The following ARFGEF3 variants were observed in gnomAD, a reference collection of about 807,000 sequenced individuals.
ARFGEF3 encodes ARFGEF family member 3.
In ARFGEF3, 96 loss-of-function variants were observed where a neutral mutation model predicts 221.7. The ratio of observed to expected loss-of-function variants is 0.43; its 90% CI spans 0.37 to 0.51. The LOEUF is 0.51. Among genes scored for constraint, ARFGEF3 ranks in the 20% least tolerant of loss-of-function variants. The pLI is 0.00. For missense variants in ARFGEF3, 2,410 were observed against 2,789.9 expected, an observed-to-expected ratio of 0.86 and a Z score of 3.07; for synonymous variants, 1,145 against 1,126.8, an observed-to-expected ratio of 1.02 and a Z score of -0.32.
At chr6:138,283,003 A>T (rs948719663) in intron 14 of ARFGEF3, among the ~76,000 whole-genome samples, 1 of 152,152 alleles carries the variant, frequency 6.6e-6, no homozygotes, top group Non-Finnish European at 1.5e-5. Context: ...GTGAGCTGAG[A>T]TCGCGTCACT....
rs1018189324 is a variant in ARFGEF3 at position 138,255,657 on chromosome 6, G to A, written c.992G>A (p.Arg331Gln). The change falls in exon 10 of 34, where the codon CGG (arginine) becomes CAG (glutamine). Residue 331 changes from arginine to glutamine, a missense_variant. This residue lies in a region of ARFGEF3 where 570 missense variants were observed against 586.9 expected (regional missense o/e 0.97). Transcript: ENST00000251691. ...TIYYIAAELV[R>Q]LVGSVDSMKP... ...TATTACATCGCAGCCGAGCTGGTCC[G>A]GCTGGTGGGGTCTGTGGACTCCATG... 27 of 1,613,710 alleles carry A rather than the reference G, an allele frequency of 1.7e-5. No individual in the cohort carries two copies. Among genetic ancestry groups the A allele is most frequent in the Non-Finnish European group, 2.3e-5 (27 of 1,179,836 alleles).
chr6:138,170,435 C>T (rs957349568), intron 1 of ARFGEF3, among the ~76,000 whole-genome samples: 1 of 152,132 alleles, frequency 6.6e-6, no homozygotes, highest in Non-Finnish European at 1.5e-5. Context: ...GAAATGTGCC[C>T]TAACTTTTAA....
chr6:138,202,567 G>A (rs1451597770), intron 2 of ARFGEF3, among the ~76,000 whole-genome samples: 1 of 151,836 alleles, frequency 6.6e-6, no homozygotes, highest in African/African-American at 2.4e-5. Context: ...TTATGGCCCT[G>A]CTGCCAACCA....
chr6:138,204,719 T>C (rs571423948), intron 2 of ARFGEF3, among the ~76,000 whole-genome samples: 5 of 152,230 alleles, frequency 3.3e-5, no homozygotes, highest in Non-Finnish European at 7.3e-5. Flanking sequence ...ATGCCCTTTT[T>C]ATGGATAAGG....
intron 5 of ARFGEF3, among the ~76,000 whole-genome samples, chr6:138,236,063 G>A (rs1778280804): frequency 6.6e-6 from 1 of 152,202 alleles, no homozygotes; most frequent in African/African-American, 2.4e-5. Context: ...TCTGTTTACA[G>A]CACTGCGTTA....
intron 32 of ARFGEF3, among the ~76,000 whole-genome samples, chr6:138,333,002 T>G (rs928432163): frequency 6.6e-6 from 1 of 152,242 alleles, no homozygotes; most frequent in Non-Finnish European, 1.5e-5. Context: ...TAAAGCAAAA[T>G]GTTATTAACA....
At chr6:138,320,377 C>T (rs1434731078) in intron 28 of ARFGEF3, among the ~76,000 whole-genome samples, 3 of 152,082 alleles carry the variant, frequency 2.0e-5, no homozygotes, top group Non-Finnish European at 4.4e-5. Flanking sequence ...ATTGATGGCA[C>T]TTTGTAAAGG....
Position 138,162,795 on chromosome 6 carries a change from C to T in ARFGEF3, c.85+624C>T, listed in dbSNP as rs965195998. Among the ~76,000 whole-genome samples, 1 of 152,076 alleles carries T rather than the reference C, an allele frequency of 6.6e-6. No individual in the cohort carries two copies. The highest frequency in any genetic ancestry group is 1.5e-5 in the Non-Finnish European group (1 of 68,016). On this transcript the variant is annotated intron_variant, in intron 1 of 33. Coordinates refer to ENST00000251691, the MANE Select transcript of ARFGEF3 (RefSeq NM_020340.5). This position sits in a 1 kb window ranked among gnomAD's most constrained non-coding sequence, Gnocchi z 4.7. ...AGTTCCAGGGAGCAAATTTGTGTTT[C>T]TCATCAGACTCAGGTTGCAGAACTC...
chr6:138,296,130 G>T (rs1274252657), intron 20 of ARFGEF3, among the ~76,000 whole-genome samples: 1 of 152,114 alleles, frequency 6.6e-6, no homozygotes, highest in Non-Finnish European at 1.5e-5. Context: ...CGCCCTCTTG[G>T]CAAAGAAGTA....
rs181300488 is a variant in ARFGEF3, at chr6:138,258,988, G to A, written c.1105-2539G>A. Among the ~76,000 whole-genome samples, 476 of 152,276 alleles carry A rather than the reference G, an allele frequency of 3.1e-3. 2 individuals carry two copies. Among genetic ancestry groups the A allele is most frequent in the Non-Finnish European group, 4.3e-3 (291 of 68,014 alleles). ...AGTTAGTTATGTTTATCTGTTCATCGTAGATGTTCTAGCTTCCCAAGGTCA... is the reference window on the plus strand; with the variant it reads ...AGTTAGTTATGTTTATCTGTTCATCATAGATGTTCTAGCTTCCCAAGGTCA... On this transcript the variant is annotated intron_variant, in intron 10 of 33. Transcript: ENST00000251691.
In ARFGEF3 at chr6:138,334,795, T is replaced by C; in HGVS notation, c.5949T>C (p.Gly1983=). The change falls in exon 33 of 34, where the codon GGT becomes GGC. Residue 1983 remains glycine, a synonymous_variant. Coordinates refer to ENST00000251691, the MANE Select transcript of ARFGEF3 (RefSeq NM_020340.5). The surrounding 1 kb of genome is among the most constrained non-coding windows in gnomAD (Gnocchi z 5.1). ...AGTCCCTGAGCCTGAAGGCCGGTGG[T>C]GGGGACCTGCTGCTGCCCCCCAGCC... ...MGESLSLKAG[G]GDLLLPPSPK... 1 of 1,605,570 alleles carries C rather than the reference T, an allele frequency of 6.2e-7. No individual in the cohort carries two copies. The highest frequency in any genetic ancestry group is 8.5e-7 in the Non-Finnish European group (1 of 1,176,352).
chr6:138,314,327 A>G (rs762009935), intron 26 of ARFGEF3, among the ~76,000 whole-genome samples: 10 of 152,142 alleles, frequency 6.6e-5, no homozygotes, highest in Non-Finnish European at 1.3e-4. Context: ...AGCCCTCATG[A>G]CCTAATCACC....
At chr6:138,253,752 A>T in intron 8 of ARFGEF3, 128 bp from the exon 9 acceptor site, 1 of 740,916 alleles carries the variant, frequency 1.3e-6, no homozygotes, top group Non-Finnish European at 2.3e-6. Context: ...AACCCATAAC[A>T]CTAACCGTCC....
intron 8 of ARFGEF3, among the ~76,000 whole-genome samples, chr6:138,248,292 C>T (rs925629920): frequency 2.0e-5 from 3 of 152,102 alleles, no homozygotes; most frequent in Non-Finnish European, 2.9e-5. Flanking sequence ...TGATCTTAAC[C>T]CTGTGAACTT....
At chr6:138,288,028 C>T (rs1350480069) in intron 17 of ARFGEF3, among the ~76,000 whole-genome samples, 1 of 149,750 alleles carries the variant, frequency 6.7e-6, no homozygotes, top group African/African-American at 2.4e-5. Context: ...CTTACATTCA[C>T]AGTTCTTTAA....
chr6:138,323,424 C>T (rs938733654), intron 29 of ARFGEF3, among the ~76,000 whole-genome samples: 2 of 152,088 alleles, frequency 1.3e-5, no homozygotes, highest in African/African-American at 4.8e-5. Flanking sequence ...CCAGCCTGAC[C>T]AACATGGAGA....
intron 5 of ARFGEF3, among the ~76,000 whole-genome samples, chr6:138,237,959 G>A (rs1430764473): frequency 6.6e-6 from 1 of 152,218 alleles, no homozygotes; most frequent in Non-Finnish European, 1.5e-5. Context: ...TCCCAATTCA[G>A]ATGTAGTGTA....
At chr6:138,286,958 A>G (rs1319404077) in intron 16 of ARFGEF3, 42 bp downstream of exon 16, 2 of 1,604,062 alleles carry the variant, frequency 1.2e-6, no homozygotes, top group Admixed American at 3.4e-5. Context: ...GTCCTGCAGA[A>G]CTCACTGGGA....
chr6:138,263,658 C>G, intron 12 of ARFGEF3, 47 bp downstream of exon 12: 1 of 1,502,670 alleles, frequency 6.7e-7, no homozygotes, highest in Non-Finnish European at 8.9e-7. Context: ...TTATTCAGAG[C>G]AGTTTGCCTT....
Sources: allele counts gnomAD v4.1 joint callset (sites outside exome capture counted in the v4.1 genomes callset), GRCh38; gene constraint gnomAD v4.1.1; regional missense constraint gnomAD v4.1.1; non-coding constraint Gnocchi (gnomAD v3.1); transcripts MANE v1.5; gene names NCBI Gene and HGNC (gene_info 2026-07-23, HGNC 2026-07-21).